The following GPC3 variants were observed in gnomAD, a reference collection of about 807,000 sequenced individuals.
The protein encoded by GPC3 is glypican-3.
Under a neutral mutation model 34.4 loss-of-function variants are expected in GPC3, and 3 were observed. The ratio of observed to expected loss-of-function variants is 0.09; its 90% CI spans 0.04 to 0.23. The LOEUF (loss-of-function observed/expected upper bound fraction) is 0.23, where lower values mean the gene tolerates loss of function less well. GPC3 is among the 10% of genes least tolerant of loss of function. GPC3 has a pLI of 1.00. For missense variants in GPC3, 351 were observed against 445.6 expected (o/e 0.79, Z 1.91); for synonymous variants, 177 against 174.0 (o/e 1.02, Z -0.13).
intron 6 of GPC3, among the ~76,000 whole-genome samples, chrX:133,631,526 T>C (rs909109166): frequency 1.8e-5 from 2 of 112,182 alleles, no homozygotes; most frequent in Non-Finnish European, 3.8e-5. Context: ...GCTGCTATTA[T>C]GCCAATAACT....
At chrX:133,770,273 CA>C (rs371995930) in intron 2 of GPC3, among the ~76,000 whole-genome samples, 13 of 102,121 alleles carry the variant, frequency 1.3e-4, no homozygotes, top group Admixed American at 3.1e-4. Flanking sequence ...AAGACCCTGT[CA>C]AAAAAAAAAA....
At chrX:133,699,442 C>T (rs1489902255) in intron 4 of GPC3, among the ~76,000 whole-genome samples, 2 of 111,691 alleles carry the variant, frequency 1.8e-5, no homozygotes, top group African/African-American at 3.3e-5. Flanking sequence ...GAACCAGGAA[C>T]CAGATCCTTC....
intron 2 of GPC3, among the ~76,000 whole-genome samples, chrX:133,754,873 C>T (rs895963479): frequency 2.1e-4 from 24 of 111,967 alleles, no homozygotes; most frequent in Non-Finnish European, 4.1e-4. Context: ...GCTGAACATC[C>T]GGAGGGATAA....
chrX:133,869,368 G>T (rs2075983657), intron 2 of GPC3, among the ~76,000 whole-genome samples: 1 of 112,007 alleles, frequency 8.9e-6, no homozygotes, highest in Non-Finnish European at 1.9e-5. Flanking sequence ...GTAAGTAATA[G>T]CAAATATCAC....
At chrX:133,574,494 C>T (rs1174200087) in intron 7 of GPC3, among the ~76,000 whole-genome samples, 1 of 111,931 alleles carries the variant, frequency 8.9e-6, no homozygotes, top group Non-Finnish European at 1.9e-5. Context: ...CCAAAGATAA[C>T]GACTGGTTCA....
At chrX:133,820,596 G>C (rs1432791415) in intron 2 of GPC3, among the ~76,000 whole-genome samples, 1 of 111,386 alleles carries the variant, frequency 9.0e-6, no homozygotes, top group East Asian at 2.8e-4. Context: ...GTAAGACTGA[G>C]ATAAAGAAAT....
At chrX:133,902,471 C>T (rs751532737) in intron 2 of GPC3, among the ~76,000 whole-genome samples, 20 of 111,902 alleles carry the variant, frequency 1.8e-4, no homozygotes, top group Admixed American at 2.9e-4. Flanking sequence ...ACCTATAATT[C>T]CAGAACTTTG....
chrX:133,847,819 C>T (rs1383675553), intron 2 of GPC3, among the ~76,000 whole-genome samples: 2 of 111,793 alleles, frequency 1.8e-5, no homozygotes, highest in East Asian at 2.8e-4. Flanking sequence ...TTTCTATTAA[C>T]GTACAAGAGA....
chrX:133,823,671 A>T (rs923318881), intron 2 of GPC3, among the ~76,000 whole-genome samples: 4 of 111,573 alleles, frequency 3.6e-5, no homozygotes, highest in Non-Finnish European at 3.8e-5. Flanking sequence ...TTCTGCATTC[A>T]GGTTAAATAC....
At chrX:133,686,145 G>A (rs1023755424) in intron 5 of GPC3, among the ~76,000 whole-genome samples, 1 of 111,774 alleles carries the variant, frequency 8.9e-6, no homozygotes, top group Admixed American at 9.5e-5. Context: ...GCTAATTGTA[G>A]GAGAGGCCAG....
At chrX:133,750,156 C>T (rs985469832) in intron 3 of GPC3, among the ~76,000 whole-genome samples, 9 of 112,168 alleles carry the variant, frequency 8.0e-5, no homozygotes, top group Non-Finnish European at 1.7e-4. Flanking sequence ...GGGCCTGCAT[C>T]ACTGAGCACC....
In GPC3 at chrX:133,985,279, C is replaced by T. The variant is rs398124166; in HGVS notation, c.171G>A (p.Val57=). 11 of 1,209,798 alleles carry T rather than the reference C, an allele frequency of 9.1e-6. No individual in the cohort carries two copies. The highest frequency in any genetic ancestry group is 1.2e-5 in the Non-Finnish European group (11 of 894,812). Residue 57 remains valine, a synonymous_variant, in exon 1 of 8, where the codon GTG becomes GTA. Coordinates refer to ENST00000370818, the MANE Select transcript of GPC3 (RefSeq NM_004484.4). ...GCTCAAGGGACCCCTCCTCACCTGG[C>T]ACGGGAGTTTCTGGCACCCACTTGA... is the stretch of plus-strand genomic sequence containing the variant. ...PGLKWVPETP[V]PGSDLQVCLP...
At chrX:133,682,751 G>A (rs2070957887) in intron 5 of GPC3, among the ~76,000 whole-genome samples, 1 of 111,345 alleles carries the variant, frequency 9.0e-6, no homozygotes, top group Admixed American at 9.5e-5. Flanking sequence ...CAGATCACTT[G>A]AGGTCAGGAG....
chrX:133,687,279 T>C (rs1186453229), intron 5 of GPC3, among the ~76,000 whole-genome samples: 1 of 105,742 alleles, frequency 9.5e-6, no homozygotes, highest in African/African-American at 3.5e-5. Context: ...CTTCTCTAGG[T>C]TGTGAACTCC....
chrX:133,799,680 C>T (rs1336470147), intron 2 of GPC3, among the ~76,000 whole-genome samples: 1 of 111,704 alleles, frequency 9.0e-6, no homozygotes, highest in Non-Finnish European at 1.9e-5. Context: ...ACAGTTTAGG[C>T]ATTCCTTGTC....
chrX:133,904,534 GGGT>G (rs2076159804), intron 2 of GPC3, among the ~76,000 whole-genome samples: 1 of 111,832 alleles, frequency 8.9e-6, no homozygotes, highest in Non-Finnish European at 1.9e-5. Context: ...CTGTGAAGAT[GGGT>G]AGTCTTTAGC....
chrX:133,544,136 T>C (rs904410648), intron 7 of GPC3, among the ~76,000 whole-genome samples: 11 of 111,474 alleles, frequency 9.9e-5, no homozygotes, highest in Non-Finnish European at 1.7e-4. Context: ...GAGGCTGACG[T>C]GGGATGATTG....
chrX:133,687,092 A>ATTTTTTTTTTTTT (rs775110101), intron 5 of GPC3, among the ~76,000 whole-genome samples: 109 of 69,213 alleles, frequency 1.6e-3, no homozygotes, highest in African/African-American at 5.3e-3. Context: ...TGGCCGGCTA[A>ATTTTTTTTTTTTT]TTTTTTTTTT....
In GPC3 at chrX:133,619,118, A is replaced by T. The variant is rs1405501854; in HGVS notation, c.1414-22519T>A. On this transcript the variant is annotated intron_variant, in intron 6 of 7. Coordinates refer to ENST00000370818, the MANE Select transcript of GPC3 (RefSeq NM_004484.4). ...ATAAGCCATAAATGAAATGAAATCAAAACCACAATGAGATACTATTTCACA... is the reference window on the plus strand; with the variant it reads ...ATAAGCCATAAATGAAATGAAATCATAACCACAATGAGATACTATTTCACA... Among the ~76,000 whole-genome samples the T allele has an allele frequency of 3.6e-5, 4 of 112,588 alleles. No individual in the cohort carries two copies. The East Asian group carries it at 8.3e-4, about 23-fold the overall frequency.
Sources: gnomAD v4.1 joint callset for allele counts (sites outside exome capture counted in the v4.1 genomes callset) on GRCh38, gnomAD v4.1.1 for gene constraint, MANE v1.5 for transcripts, NCBI Gene and HGNC (gene_info 2026-07-23, HGNC 2026-07-21) for gene names.